The following GUCY1A2 variants were observed in gnomAD, a reference collection of about 807,000 sequenced individuals.
The protein encoded by GUCY1A2 is guanylate cyclase 1 soluble subunit alpha 2.
Under a neutral mutation model 63.5 loss-of-function variants are expected in GUCY1A2, and 27 were observed. The ratio of observed to expected loss-of-function variants is 0.43; its 90% confidence interval spans 0.31 to 0.59. The LOEUF is 0.59. Among genes scored for constraint, GUCY1A2 ranks in the 20% least tolerant of loss-of-function variants. GUCY1A2 has a pLI of 0.11. For synonymous variants in GUCY1A2, 364 were observed against 343.5 expected, an observed-to-expected ratio of 1.06 and a Z score of -0.66; for missense variants, 768 against 913.3, an observed-to-expected ratio of 0.84 and a Z score of 2.05.
rs1282064507 is a variant in GUCY1A2 at position 106,939,676 on chromosome 11, G to A, written c.990C>T (p.His330=). ...INTFCRAFPF[H]LMFDPSMSVL... The stretch of plus-strand genomic sequence containing the variant: ...CTGACATGCTGGGATCAAACATCAA[G>A]TGGAAAGGGAAGGCTCTACAGAAGG... Residue 330 remains histidine (H), a synonymous_variant, in exon 4 of 8, where the codon CAC becomes CAT. Coordinates refer to ENST00000526355, the MANE Select transcript of GUCY1A2 (RefSeq NM_000855.3). 1 of 1,613,850 alleles carries A rather than the reference G, an allele frequency of 6.2e-7. No individual in the cohort carries two copies. Among genetic ancestry groups the A allele is most frequent in the Non-Finnish European group, 8.5e-7 (1 of 1,179,882 alleles).
At chr11:106,730,096 T>A (rs868646735) in intron 6 of GUCY1A2, among the ~76,000 whole-genome samples, 12 of 96,092 alleles carry the variant, frequency 1.2e-4, no homozygotes, top group East Asian at 2.5e-4. Flanking sequence ...ATATATATAT[T>A]ATAGTATATA....
At position 106,683,053 on chromosome 11, in the gene GUCY1A2, G is replaced by T. The variant is rs1459820935; in HGVS notation, c.*4496C>A. Reference sequence around the variant, plus strand: ...AACAATAAATTTTGTTCAATCACATGAACACAATTTATGTGTATGTTAAAC... The same window carrying T: ...AACAATAAATTTTGTTCAATCACATTAACACAATTTATGTGTATGTTAAAC... On this transcript the variant is annotated 3_prime_UTR_variant, in exon 8 of 8. Coordinates refer to ENST00000526355, the MANE Select transcript of GUCY1A2 (RefSeq NM_000855.3). 1 of 217,606 alleles carries T rather than the reference G, an allele frequency of 4.6e-6. No homozygotes were observed. Among genetic ancestry groups the T allele is most frequent in the Non-Finnish European group, 9.2e-6 (1 of 108,150 alleles). The allele number at this position is 217,606 out of a possible 1,614,324, so 13.5% of individuals were successfully genotyped here.
intron 4 of GUCY1A2, chr11:106,827,242 C>T (rs1858983900): frequency 6.5e-7 from 1 of 1,546,192 alleles, no homozygotes; most frequent in Admixed American, 1.7e-5. Flanking sequence ...TTCCTTTTTC[C>T]TTCCTTCAGT....
At chr11:106,718,092 A>C (rs1286041326) in intron 6 of GUCY1A2, among the ~76,000 whole-genome samples, 2 of 152,320 alleles carry the variant, frequency 1.3e-5, no homozygotes, top group Non-Finnish European at 2.9e-5. Flanking sequence ...AGAATGTCAC[A>C]TCAAGTAATA....
intron 4 of GUCY1A2, among the ~76,000 whole-genome samples, chr11:106,903,872 A>T: frequency 1.3e-5 from 2 of 152,184 alleles, no homozygotes; most frequent in East Asian, 3.9e-4. Flanking sequence ...CCAGCTAATA[A>T]TATAAAGATA....
intron 4 of GUCY1A2, among the ~76,000 whole-genome samples, chr11:106,830,021 T>A (rs1385640359): frequency 6.6e-6 from 1 of 152,212 alleles, no homozygotes; most frequent in African/African-American, 2.4e-5. Flanking sequence ...TACGACCATA[T>A]GACCAGTTGC....
chr11:106,717,096 T>C (rs780014744), intron 6 of GUCY1A2, among the ~76,000 whole-genome samples: 6 of 152,204 alleles, frequency 3.9e-5, no homozygotes, highest in Non-Finnish European at 8.8e-5. Flanking sequence ...ACTTCTGGGC[T>C]TCTGTTATTT....
chr11:106,973,767 T>G (rs527973633), intron 3 of GUCY1A2, among the ~76,000 whole-genome samples: 1 of 152,088 alleles, frequency 6.6e-6, no homozygotes. Flanking sequence ...AAGTATCAGT[T>G]TTCTCACCTA....
At chr11:106,694,554 G>A (rs890140111) in intron 7 of GUCY1A2, among the ~76,000 whole-genome samples, 2 of 152,164 alleles carry the variant, frequency 1.3e-5, no homozygotes, top group Non-Finnish European at 2.9e-5. Context: ...AGTGACTATT[G>A]ATATTGGAGT....
At chr11:106,707,901 A>C (rs1343838981) in intron 7 of GUCY1A2, among the ~76,000 whole-genome samples, 1 of 152,130 alleles carries the variant, frequency 6.6e-6, no homozygotes, top group Non-Finnish European at 1.5e-5. Flanking sequence ...AAATGCTCCA[A>C]AATCTGAAAC....
rs761987000 is a variant in GUCY1A2 at position 106,687,644 on chromosome 11, C to A, written c.2104G>T (p.Gly702Cys). The part of the protein sequence containing the change: ...GICYFLEVRT[G>C]PKPPKPSLSS... ...AGAGAAGGCTTTGGTGGCTTTGGAC[C>A]AGTCCTTACCTCCAGGAAATAGCAG... The change falls in exon 8 of 8, where the codon GGT (glycine) becomes TGT (cysteine). Residue 702 changes from glycine (G) to cysteine (C), a missense_variant. Around this residue, in one of 3 missense-constraint regions of GUCY1A2, gnomAD observed 150 missense variants for 188.3 expected, o/e 0.80. Coordinates refer to ENST00000526355, the MANE Select transcript of GUCY1A2 (RefSeq NM_000855.3). The A allele has an allele frequency of 7.4e-6, 12 of 1,613,792 alleles. No homozygotes were observed. Among genetic ancestry groups the A allele is most frequent in the Admixed American group, 1.7e-5 (1 of 60,006 alleles).
At chr11:106,866,513 A>G (rs1285458560) in intron 4 of GUCY1A2, among the ~76,000 whole-genome samples, 1 of 152,072 alleles carries the variant, frequency 6.6e-6, no homozygotes, top group East Asian at 1.9e-4. Flanking sequence ...AGGCAGATGC[A>G]AGGAAGAGAA....
chr11:106,739,120 T>C (rs985402020), intron 6 of GUCY1A2, among the ~76,000 whole-genome samples: 1 of 152,210 alleles, frequency 6.6e-6, no homozygotes, highest in African/African-American at 2.4e-5. Flanking sequence ...CCCTTGTAAG[T>C]TGGATTCCTA....
intron 5 of GUCY1A2, among the ~76,000 whole-genome samples, chr11:106,787,766 T>G (rs1864590441): frequency 6.6e-6 from 1 of 151,800 alleles, no homozygotes; most frequent in Admixed American, 6.6e-5. Context: ...GTACCACATT[T>G]TCTTTATTCA....
chr11:107,003,788 T>A (rs577456750), intron 1 of GUCY1A2, among the ~76,000 whole-genome samples: 1 of 152,246 alleles, frequency 6.6e-6, no homozygotes, highest in East Asian at 1.9e-4. Flanking sequence ...CCATCACGAG[T>A]TGGGTTCTCC....
Position 106,678,186 on chromosome 11 carries a change from T to C in GUCY1A2, c.*9363A>G, listed in dbSNP as rs934270091. ...AGTCCTCTAGTTTATCTAGACCTTC[T>C]TGGCTAGAGTTTGATCTACCATCAG... On this transcript the variant is annotated 3_prime_UTR_variant, in exon 8 of 8. Coordinates refer to ENST00000526355, the MANE Select transcript of GUCY1A2 (RefSeq NM_000855.3). 1.0e-5 allele frequency: 2 copies of C among 197,682 alleles called. No individual in the cohort carries two copies. The highest frequency in any genetic ancestry group is 2.3e-5 in the African/African-American group (1 of 43,380). 12.2% of individuals were successfully genotyped at this position (197,682 alleles called of 1,614,324 possible). A position where few individuals can be genotyped will look rare whatever the true frequency, so the allele number is the denominator to read the frequency against.
At chr11:106,936,276 G>A (rs1043351862) in intron 4 of GUCY1A2, among the ~76,000 whole-genome samples, 3 of 152,128 alleles carry the variant, frequency 2.0e-5, no homozygotes, top group Non-Finnish European at 2.9e-5. Flanking sequence ...ACAATGTCTT[G>A]TAATTCAAAA....
intron 1 of GUCY1A2, among the ~76,000 whole-genome samples, chr11:106,997,613 G>C (rs1861556004): frequency 1.4e-5 from 1 of 72,870 alleles, no homozygotes; most frequent in African/African-American, 4.3e-5. Context: ...AAGCAAGATA[G>C]GGAACCCCCC....
chr11:106,703,287 T>G (rs1862849485), intron 7 of GUCY1A2, among the ~76,000 whole-genome samples: 1 of 152,112 alleles, frequency 6.6e-6, no homozygotes, highest in African/African-American at 2.4e-5. Flanking sequence ...ATCTATCCTA[T>G]TAGTTCTGTC....
Sources: gnomAD v4.1 joint callset for allele counts (sites outside exome capture counted in the v4.1 genomes callset) on GRCh38, gnomAD v4.1.1 for gene constraint, gnomAD v4.1.1 regional missense constraint, MANE v1.5 for transcripts, NCBI Gene and HGNC (gene_info 2026-07-23, HGNC 2026-07-21) for gene names.